The following BTN3A3 variants were observed in gnomAD, a reference collection of about 807,000 sequenced individuals.
BTN3A3 encodes the protein butyrophilin subfamily 3 member A3.
Under a neutral mutation model 43.2 loss-of-function variants are expected in BTN3A3, and 39 were observed. The ratio of observed to expected loss-of-function variants is 0.90; its 90% CI spans 0.70 to 1.18. The LOEUF (loss-of-function observed/expected upper bound fraction) is 1.18, where lower values mean the gene tolerates loss of function less well. Among genes scored for constraint, BTN3A3 ranks in the 50% most tolerant of loss-of-function variants. BTN3A3 has a pLI of 0.00. For missense variants in BTN3A3, 631 were observed against 722.8 expected, an observed-to-expected ratio of 0.87 and a Z score of 1.46; for synonymous variants, 255 against 272.7, an observed-to-expected ratio of 0.93 and a Z score of 0.64.
chr6:26,452,363 A>G lies in BTN3A3; in HGVS notation c.1707A>G (p.Thr569=). ...HPGAEVSPSA[T]TNQNHKLQAR... ...GAGCTGAGGTCTCCCCTTCTGCAACAACCAATCAGAACCATAAGCTACAGG... is the reference window on the plus strand; with the variant it reads ...GAGCTGAGGTCTCCCCTTCTGCAACGACCAATCAGAACCATAAGCTACAGG... Residue 569 remains threonine, a synonymous_variant, in exon 11 of 11, where the codon ACA becomes ACG. Transcript: ENST00000244519. 1 of 1,608,412 alleles carries G rather than the reference A, an allele frequency of 6.2e-7. No homozygotes were observed. Among genetic ancestry groups the G allele is most frequent in the South Asian group, 1.1e-5 (1 of 91,070 alleles).
chr6:26,450,046 T>A (rs938702962), intron 9 of BTN3A3, 61 bp from the exon 10 acceptor site: 64 of 1,537,140 alleles, frequency 4.2e-5, no homozygotes, highest in Non-Finnish European at 5.5e-5. Context: ...GAAAGGAGAA[T>A]GGAGTGGAGA....
chr6:26,448,701 A>G, intron 7 of BTN3A3, 27 bp from the exon 8 acceptor site: 1 of 1,614,014 alleles, frequency 6.2e-7, no homozygotes, highest in Middle Eastern at 1.6e-4. Flanking sequence ...GCACCTTGAT[A>G]ACCCTTCCCT....
intron 9 of BTN3A3, 102 bp from the exon 10 acceptor site, chr6:26,450,005 A>G: frequency 7.5e-7 from 1 of 1,333,310 alleles, no homozygotes; most frequent in East Asian, 2.3e-5. Flanking sequence ...CCTGGAAGAG[A>G]CTCTGAAGAA....
At chr6:26,451,105 A>G (rs1762918865) in intron 10 of BTN3A3, among the ~76,000 whole-genome samples, 1 of 152,200 alleles carries the variant, frequency 6.6e-6, no homozygotes, top group African/African-American at 2.4e-5. Context: ...CATAGAGCCC[A>G]GCATAGAGAC....
In BTN3A3 at chr6:26,448,371, T is replaced by C; in HGVS notation, c.839T>C (p.Leu280Pro). 6.2e-7 allele frequency: 1 copy of C among 1,613,872 alleles called. No individual in the cohort carries two copies. Among genetic ancestry groups the C allele is most frequent in the South Asian group, 1.1e-5 (1 of 91,082 alleles). The change falls in exon 6 of 11, where the codon CTG (leucine) becomes CCG (proline). Residue 280 changes from leucine to proline, a missense_variant. Around this residue, in one of 2 missense-constraint regions of BTN3A3, gnomAD observed 551 missense variants for 584.0 expected, o/e 0.94. Coordinates refer to ENST00000244519, the MANE Select transcript of BTN3A3 (RefSeq NM_006994.5). ...AGACAACAGAAGGAAAAAATTGCTC[T>C]GTCCAGGGAGACAGAAAGAGAGCGA... is the stretch of plus-strand genomic sequence containing the variant. Reference protein sequence around the residue: ...LWRQQKEKIALSRETEREREM... With the variant: ...LWRQQKEKIAPSRETEREREM...
At chr6:26,442,537 GTATCACCAT>G (rs1294394046) in intron 1 of BTN3A3, among the ~76,000 whole-genome samples, 8 of 152,260 alleles carry the variant, frequency 5.3e-5, no homozygotes, top group African/African-American at 1.9e-4. Context: ...ACCGCTTAGT[GTATCACCAT>G]TATCTAGGTT....
In BTN3A3 at chr6:26,452,646, C is replaced by CCG; in HGVS notation, c.*235_*236insCG. ...GTGGATGTCACTCCTTTAATCCTCACAACACCCTGTCGGGTAGTCATATTT... is the reference window on the plus strand; with the variant it reads ...GTGGATGTCACTCCTTTAATCCTCACCGAACACCCTGTCGGGTAGTCATATTT... On this transcript the variant is annotated 3_prime_UTR_variant, in exon 11 of 11. Coordinates refer to ENST00000244519, the MANE Select transcript of BTN3A3 (RefSeq NM_006994.5). 1 of 491,658 alleles carries CCG rather than the reference C, an allele frequency of 2.0e-6. No individual in the cohort carries two copies. The highest frequency in any genetic ancestry group is 3.6e-6 in the Non-Finnish European group (1 of 280,006). 30.5% of individuals were successfully genotyped at this position (491,658 alleles called of 1,614,324 possible).
rs776915465 is a variant in BTN3A3 at position 26,451,673 on chromosome 6, A to G, written c.1019-2A>G. The G allele has an allele frequency of 2.3e-5, 37 of 1,608,598 alleles. 1 individual carries two copies. The highest frequency in any genetic ancestry group is 3.1e-5 in the Non-Finnish European group (37 of 1,176,796). ...ATGGACACCTCCTCAAACTCTCTGC[A>G]GCGGATGTGATTCTGGATCCAGACA... On this transcript the variant is annotated splice_acceptor_variant, in intron 10 of 10. Coordinates refer to ENST00000244519, the MANE Select transcript of BTN3A3 (RefSeq NM_006994.5). LOFTEE classifies it high-confidence loss of function.
chr6:26,452,748 T>C lies in BTN3A3; in HGVS notation c.*337T>C. 1 of 239,816 alleles carries C rather than the reference T, an allele frequency of 4.2e-6. No homozygotes were observed. Among genetic ancestry groups the C allele is most frequent in the South Asian group, 6.9e-5 (1 of 14,396 alleles). The allele number at this position is 239,816 out of a possible 1,614,324, so 14.9% of individuals were successfully genotyped here. ...TACAGTAATTTGTGCAGTTGGGAGA[T>C]GTTCAGCCTTAGTCCCTGGCTAATT... On this transcript the variant is annotated 3_prime_UTR_variant, in exon 11 of 11. Transcript: ENST00000244519.
chr6:26,451,557 G>T (rs1414664597), intron 10 of BTN3A3, 118 bp from the exon 11 acceptor site: 13 of 1,481,756 alleles, frequency 8.8e-6, no homozygotes, highest in Middle Eastern at 2.5e-4. Context: ...TTTAGAGCAG[G>T]CTAGGGACGC....
At chr6:26,447,801 G>A (rs1762820201) in intron 5 of BTN3A3, among the ~76,000 whole-genome samples, 1 of 152,156 alleles carries the variant, frequency 6.6e-6, no homozygotes, top group Admixed American at 6.5e-5. Context: ...TCACATAGGG[G>A]AGCCAGCATT....
rs1356617534 is a variant in BTN3A3, at chr6:26,451,898, G to A, written c.1242G>A (p.Lys414=). Residue 414 remains lysine (K), a synonymous_variant, in exon 11 of 11, where the codon AAG becomes AAA. Transcript: ENST00000244519. ...AGTGGCATATTGGGGTATGTAGTAA[G>A]AACGTGGAGAGGAAAAAAGGTTGGG... ...RKEWHIGVCS[K]NVERKKGWVK... 1.2e-6 allele frequency: 2 copies of A among 1,614,164 alleles called. No individual in the cohort carries two copies. The highest frequency in any genetic ancestry group is 2.2e-5 in the South Asian group (2 of 91,080).
chr6:26,450,253 G>A (rs971378631), intron 10 of BTN3A3, 120 bp downstream of exon 10: 1 of 1,250,964 alleles, frequency 8.0e-7, no homozygotes, highest in Non-Finnish European at 1.1e-6. Context: ...GTTTGGGGTA[G>A]ACAACATTAA....
intron 10 of BTN3A3, among the ~76,000 whole-genome samples, chr6:26,450,549 T>C (rs1372713171): frequency 6.6e-6 from 1 of 152,224 alleles, no homozygotes; most frequent in Non-Finnish European, 1.5e-5. Context: ...CTTCCGAGCT[T>C]TCGCCTCCAC....
chr6:26,448,121 C>T (rs752401426), intron 5 of BTN3A3, 127 bp from the exon 6 acceptor site: 55 of 1,085,162 alleles, frequency 5.1e-5, no homozygotes, highest in Non-Finnish European at 6.3e-5. Context: ...AGGGACAGAA[C>T]GCTTATTTAA....
At position 26,450,093 on chromosome 6, in the gene BTN3A3, C is replaced by A. The variant is rs1762889239; in HGVS notation, c.992-14C>A. 1 of 1,613,088 alleles carries A rather than the reference C, an allele frequency of 6.2e-7. No homozygotes were observed. The highest frequency in any genetic ancestry group is 1.7e-5 in the Admixed American group (1 of 59,980). ...ATACTGACCTTTTTCTTATCTGTGT[C>A]TCCTTCCTTTCAGAATGGAAAATGG... On this transcript the variant is annotated splice_polypyrimidine_tract_variant and intron_variant, in intron 9 of 10. Transcript: ENST00000244519.
At chr6:26,444,677 G>A in intron 4 of BTN3A3, 1 of 381,532 alleles carries the variant, frequency 2.6e-6, no homozygotes, top group Non-Finnish European at 4.9e-6. Context: ...TGGGTCCTGG[G>A]AGGTGGAATG....
chr6:26,445,798 A>C lies in BTN3A3; in HGVS notation c.528A>C (p.Gln176His), dbSNP rs1162702577. The C allele has an allele frequency of 2.4e-5, 38 of 1,614,164 alleles. No homozygotes were observed. Among genetic ancestry groups the C allele is most frequent in the Non-Finnish European group, 3.2e-5 (38 of 1,180,018 alleles). The part of the protein sequence containing the change: ...CRSTGWYPQP[Q>H]IKWSDTKGEN... ...CCACTGGCTGGTACCCCCAACCCCA[A>C]ATAAAGTGGAGCGACACCAAGGGAG... The change falls in exon 5 of 11, where the codon CAA becomes CAC. Residue 176 changes from glutamine to histidine, a missense_variant. Physicochemically the swap from Gln to His is conservative, Grantham distance 24. Around this residue, in one of 2 missense-constraint regions of BTN3A3, gnomAD observed 551 missense variants for 584.0 expected, o/e 0.94. Transcript: ENST00000244519.
intron 4 of BTN3A3, chr6:26,444,797 G>T: frequency 4.3e-6 from 1 of 234,942 alleles, no homozygotes; most frequent in Non-Finnish European, 8.4e-6. Flanking sequence ...CACACATCAT[G>T]GGGAGCTGTG....
Sources: gnomAD v4.1 joint callset for allele counts (sites outside exome capture counted in the v4.1 genomes callset) on GRCh38, gnomAD v4.1.1 for gene constraint, gnomAD v4.1.1 regional missense constraint, MANE v1.5 for transcripts, NCBI Gene and HGNC (gene_info 2026-07-23, HGNC 2026-07-21) for gene names.